Variants in ZNF140 observed in about 807,000 individuals in gnomAD.
ZNF140 encodes zinc finger protein 140.
ZNF140 carries 13 observed loss-of-function variants against 12.9 expected under a neutral mutation model. The observed-to-expected ratio is 1.01, with a 90% CI of 0.66 to 1.60. ZNF140 has a LOEUF of 1.60. ZNF140 is among the 40% of genes most tolerant of loss of function. ZNF140 has a pLI of 0.00. For synonymous variants in ZNF140, 214 were observed against 186.7 expected (o/e 1.15, Z -1.19); for missense variants, 531 against 548.8 (o/e 0.97, Z 0.32).
intron 4 of ZNF140, among the ~76,000 whole-genome samples, chr12:133,086,752 T>G (rs1446721133): frequency 6.6e-6 from 1 of 152,224 alleles, no homozygotes; most frequent in Admixed American, 6.5e-5. Context: ...TCCTATATTT[T>G]CTTTTAAAAA....
intron 2 of ZNF140, 105 bp downstream of exon 2, chr12:133,081,434 A>G (rs2137473265): frequency 5.2e-6 from 2 of 382,578 alleles, no homozygotes; most frequent in South Asian, 3.7e-5. Flanking sequence ...CAGTGGAGCG[A>G]TCATAGCATC....
At chr12:133,101,059 GT>G (rs1299181797) in intron 4 of ZNF140, 3 of 414,880 alleles carry the variant, frequency 7.2e-6, no homozygotes, top group African/African-American at 4.2e-5. Flanking sequence ...TATAGGTAAG[GT>G]TTTTTTCCTT....
upstream of ZNF140, chr12:133,080,444 G>C (rs1954426712): frequency 6.6e-6 from 1 of 152,374 alleles, no homozygotes; most frequent in Non-Finnish European, 1.5e-5. Flanking sequence ...CTCGCGCGGG[G>C]TCGCGGTTGT....
In ZNF140 at chr12:133,097,819, ATGTGTGTGTG is replaced by A. The variant is rs71079166; in HGVS notation, c.233-7669_233-7660del. Reference sequence around the variant, plus strand: ...TATGCATGAGGCACCACATCTAACCATGTGTGTGTGTGTGTGTGTGTGTGTGTGTGTTTTT... The same window carrying A: ...TATGCATGAGGCACCACATCTAACCATGTGTGTGTGTGTGTGTGTGTTTTT... On this transcript the variant is annotated intron_variant, in intron 4 of 4. Transcript: ENST00000355557. Among the ~76,000 whole-genome samples the A allele has an allele frequency of 1.1e-4, 16 of 143,260 alleles. 1 individual carries two copies. Among genetic ancestry groups the A allele is most frequent in the African/African-American group, 3.4e-4 (13 of 38,216 alleles). 94.0% of individuals were successfully genotyped at this position (143,260 alleles called of 152,430 possible).
At chr12:133,093,585 A>G (rs61951765) in intron 4 of ZNF140, 141,249 of 649,176 alleles carry the variant, frequency 0.22, 19,141 homozygotes, top group Non-Finnish European at 0.25. Flanking sequence ...CACCTTCCCT[A>G]TTTCCCATGT....
At chr12:133,097,511 T>C (rs375285330) in intron 4 of ZNF140, among the ~76,000 whole-genome samples, 4,601 of 151,650 alleles carry the variant, frequency 0.03, 220 homozygotes, top group African/African-American at 0.1. Flanking sequence ...GGTGTGGTGG[T>C]GGGCACCTAT....
intron 4 of ZNF140, among the ~76,000 whole-genome samples, chr12:133,099,267 G>A (rs1955246863): frequency 3.9e-5 from 6 of 152,088 alleles, no homozygotes; most frequent in Non-Finnish European, 4.4e-5. Flanking sequence ...CTGCCTCCCG[G>A]GTTCCAGACA....
intron 4 of ZNF140, among the ~76,000 whole-genome samples, chr12:133,093,945 T>C (rs1954983081): frequency 6.6e-6 from 1 of 151,172 alleles, no homozygotes; most frequent in Non-Finnish European, 1.5e-5. Flanking sequence ...TCTCTCTGTC[T>C]GTTATCCCCT....
At chr12:133,088,732 T>G (rs1283102802) in intron 4 of ZNF140, among the ~76,000 whole-genome samples, 34 of 152,370 alleles carry the variant, frequency 2.2e-4, no homozygotes, top group African/African-American at 6.7e-4. Context: ...AATGAATGAT[T>G]GATATTATCA....
intron 4 of ZNF140, among the ~76,000 whole-genome samples, chr12:133,083,955 A>G (rs1431643698): frequency 6.6e-6 from 1 of 151,388 alleles, no homozygotes; most frequent in Non-Finnish European, 1.5e-5. Flanking sequence ...GCAAGACTCC[A>G]TCTCAAAAAA....
In ZNF140 at chr12:133,106,113, G is replaced by T. The variant is rs748056251; in HGVS notation, c.836G>T (p.Gly279Val). The T allele has an allele frequency of 2.5e-6, 4 of 1,614,150 alleles. No individual in the cohort carries two copies. The highest frequency in any genetic ancestry group is 3.4e-6 in the Non-Finnish European group (4 of 1,180,020). The change falls in exon 5 of 5, where the codon GGT (glycine) becomes GTT (valine). Residue 279 changes from glycine (G) to valine (V), a missense_variant. Gly to Val is a moderately radical substitution (Grantham distance 109, BLOSUM62 -3). Transcript: ENST00000355557. ...AAACAATATATATGTAGGAAATGTG[G>T]TAAAGCATTTAGCAGTGGCTCAGAA... ...GKKQYICRKC[G>V]KAFSSGSELI...
rs796959695 is a variant in ZNF140 at position 133,090,899 on chromosome 12, G to A, written c.232+7338G>A. On this transcript the variant is annotated intron_variant, in intron 4 of 4. Transcript: ENST00000355557. ...TTTCTCTCCACCCAAACATCTCAGC[G>A]GAGTAAAGAATAACAAGGCAGCATT... 2.4e-3 allele frequency among the ~76,000 whole-genome samples: 341 copies of A among 141,232 alleles called. 5 individuals carry two copies. The highest frequency in any genetic ancestry group is 7.7e-3 in the African/African-American group (296 of 38,234). 92.7% of individuals were successfully genotyped at this position (141,232 alleles called of 152,430 possible).
intron 4 of ZNF140, among the ~76,000 whole-genome samples, chr12:133,099,303 G>A (rs1460579602): frequency 1.3e-5 from 2 of 151,404 alleles, no homozygotes; most frequent in African/African-American, 2.4e-5. Flanking sequence ...TTCCTTCCTG[G>A]GTAACTGGGA....
intron 4 of ZNF140, among the ~76,000 whole-genome samples, chr12:133,103,609 A>C (rs1015921273): frequency 2.6e-4 from 40 of 151,924 alleles, no homozygotes; most frequent in African/African-American, 8.4e-4. Context: ...GTCCAGGTTC[A>C]CTTGGTATAT....
At position 133,083,565 on chromosome 12, in the gene ZNF140, A is replaced by T; in HGVS notation, c.232+4A>T. 6 of 1,611,536 alleles carry T rather than the reference A, an allele frequency of 3.7e-6. No individual in the cohort carries two copies. Among genetic ancestry groups the T allele is most frequent in the Non-Finnish European group, 5.1e-6 (6 of 1,179,080 alleles). On this transcript the variant is annotated splice_donor_region_variant and intron_variant, in intron 4 of 4. Coordinates refer to ENST00000355557, the MANE Select transcript of ZNF140 (RefSeq NM_003440.4). Reference sequence around the variant, plus strand: ...GTGAAAAGAGATCTGTTTTCAGGTGAGTGAGTTGGAAGCTGATGGGGAAAT... The same window carrying T: ...GTGAAAAGAGATCTGTTTTCAGGTGTGTGAGTTGGAAGCTGATGGGGAAAT...
chr12:133,096,176 T>A (rs1324910927), intron 4 of ZNF140, among the ~76,000 whole-genome samples: 1 of 139,930 alleles, frequency 7.1e-6, no homozygotes, highest in Middle Eastern at 3.7e-3. Flanking sequence ...CTTTCTGCAG[T>A]GCATGTGCCC....
intron 4 of ZNF140, among the ~76,000 whole-genome samples, chr12:133,103,555 G>A (rs1955443737): frequency 6.6e-6 from 1 of 151,620 alleles, no homozygotes; most frequent in Non-Finnish European, 1.5e-5. Flanking sequence ...TTACAGGCAT[G>A]AGCCACCACA....
chr12:133,101,601 C>T (rs968991841), intron 4 of ZNF140, among the ~76,000 whole-genome samples: 7 of 152,166 alleles, frequency 4.6e-5, no homozygotes, highest in East Asian at 1.9e-4. Context: ...GTCGCTACCA[C>T]GCCCGGCTAA....
rs376403600 is a variant in ZNF140 at position 133,105,975 on chromosome 12, T to C, written c.698T>C (p.Ile233Thr). ...NKTFSYLSFL[I>T]EHQRTHTGEK... The stretch of plus-strand genomic sequence containing the variant: ...ACATTCAGTTACCTTTCATTTCTTA[T>C]TGAACACCAGAGAACGCACACTGGG... Residue 233 changes from isoleucine (I) to threonine (T), a missense_variant, in exon 5 of 5, where the codon ATT (isoleucine) becomes ACT (threonine). Ile to Thr is a moderately conservative substitution (Grantham distance 89, BLOSUM62 -1). Coordinates refer to ENST00000355557, the MANE Select transcript of ZNF140 (RefSeq NM_003440.4). 9.9e-6 allele frequency: 16 copies of C among 1,614,012 alleles called. No individual in the cohort carries two copies. Among genetic ancestry groups the C allele is most frequent in the Non-Finnish European group, 1.4e-5 (16 of 1,180,044 alleles).
Sources: allele counts gnomAD v4.1 joint callset (sites outside exome capture counted in the v4.1 genomes callset), GRCh38; gene constraint gnomAD v4.1.1; transcripts MANE v1.5; gene names NCBI Gene and HGNC (gene_info 2026-07-23, HGNC 2026-07-21).